Variants in ARHGAP40 observed in about 807,000 individuals in gnomAD.
The protein encoded by ARHGAP40 is rho GTPase-activating protein 40.
ARHGAP40 carries 43 observed loss-of-function variants against 73.5 expected under a neutral mutation model. That is an observed-to-expected ratio of 0.58 (90% CI 0.46 to 0.75). The LOEUF is 0.75. Among genes scored for constraint, ARHGAP40 ranks in the 30% least tolerant of loss-of-function variants. ARHGAP40 has a pLI of 0.00. For synonymous variants in ARHGAP40, 300 were observed against 352.8 expected (o/e 0.85, Z 1.68); for missense variants, 734 against 861.8 (o/e 0.85, Z 1.86).
chr20:38,631,606 C>A (rs1030514178), intron 5 of ARHGAP40, among the ~76,000 whole-genome samples: 1 of 152,186 alleles, frequency 6.6e-6, no homozygotes, highest in African/African-American at 2.4e-5. Context: ...TCCCACAACA[C>A]ATGGAAATTC....
intron 7 of ARHGAP40, among the ~76,000 whole-genome samples, chr20:38,638,407 A>C (rs2088991691): frequency 6.6e-6 from 1 of 152,086 alleles, no homozygotes; most frequent in Non-Finnish European, 1.5e-5. Flanking sequence ...GCTGGTCTCG[A>C]ACTCCTGGCC....
chr20:38,629,633 G>A, exon 5 of ARHGAP40: 3 of 1,305,424 alleles, frequency 2.3e-6, no homozygotes, highest in Non-Finnish European at 3.0e-6. Flanking sequence ...CTCTGCCTGG[G>A]GCAAGTGTTC....
At chr20:38,613,743 AG>A (rs906038174) in intron 1 of ARHGAP40, among the ~76,000 whole-genome samples, 2 of 152,248 alleles carry the variant, frequency 1.3e-5, no homozygotes, top group Non-Finnish European at 2.9e-5. Flanking sequence ...TGTGTGATTC[AG>A]GAAGCTAAAT....
At chr20:38,648,425 C>CA (rs1393491339) in intron 13 of ARHGAP40, among the ~76,000 whole-genome samples, 1 of 152,206 alleles carries the variant, frequency 6.6e-6, no homozygotes, top group Non-Finnish European at 1.5e-5. Flanking sequence ...TGAGCCTCAC[C>CA]ACGTGCCCTC....
chr20:38,641,999 T>G (rs761648293), intron 10 of ARHGAP40, among the ~76,000 whole-genome samples, 191 bp downstream of exon 10: 18 of 152,196 alleles, frequency 1.2e-4, no homozygotes, highest in Non-Finnish European at 1.9e-4. Flanking sequence ...AAGGGGATAG[T>G]CCCGGAGTGG....
intron 1 of ARHGAP40, among the ~76,000 whole-genome samples, chr20:38,608,936 G>A (rs887395015): frequency 2.0e-5 from 3 of 152,136 alleles, no homozygotes; most frequent in African/African-American, 7.2e-5. Flanking sequence ...AAGAGTGGCC[G>A]GCTGAGTCCT....
intron 9 of ARHGAP40, among the ~76,000 whole-genome samples, chr20:38,640,402 G>A (rs747736277): frequency 6.6e-6 from 1 of 151,412 alleles, no homozygotes; most frequent in Admixed American, 6.6e-5. Flanking sequence ...ACATTTTTTT[G>A]TAGTGACGGG....
intron 1 of ARHGAP40, among the ~76,000 whole-genome samples, chr20:38,621,673 T>C (rs2088874444): frequency 6.6e-6 from 1 of 152,204 alleles, no homozygotes; most frequent in African/African-American, 2.4e-5. Context: ...AGGAGAATGA[T>C]TGATATTCTA....
intron 2 of ARHGAP40, 91 bp from the exon 3 acceptor site, chr20:38,626,904 T>G: frequency 1.0e-6 from 1 of 1,004,820 alleles, no homozygotes; most frequent in Non-Finnish European, 1.4e-6. Flanking sequence ...TGTGTCCAGG[T>G]GAGTGTGTGC....
At chr20:38,617,739 G>A (rs901814992) in intron 1 of ARHGAP40, among the ~76,000 whole-genome samples, 14 of 152,192 alleles carry the variant, frequency 9.2e-5, no homozygotes, top group African/African-American at 3.4e-4. Flanking sequence ...GGAACTAGAG[G>A]CCACTCACTG....
At chr20:38,642,730 TTCCATCCATCCATCC>T (rs2089027080) in intron 10 of ARHGAP40, among the ~76,000 whole-genome samples, 2 of 42,598 alleles carry the variant, frequency 4.7e-5, no homozygotes, top group South Asian at 9.7e-4. Flanking sequence ...CCATCCATCC[TTCCATCCATCCATCC>T]CTCCCTCCCT....
chr20:38,616,113 G>A (rs2088836412), intron 1 of ARHGAP40, among the ~76,000 whole-genome samples: 1 of 152,178 alleles, frequency 6.6e-6, no homozygotes, highest in Non-Finnish European at 1.5e-5. Flanking sequence ...ACCTGGGCTT[G>A]CCCAGAGCCA....
intron 14 of ARHGAP40, among the ~76,000 whole-genome samples, chr20:38,649,244 C>T (rs751823767): frequency 6.6e-6 from 1 of 152,190 alleles, no homozygotes; most frequent in Non-Finnish European, 1.5e-5. Flanking sequence ...CTGATGAGTT[C>T]CCAGGAGTTG....
At chr20:38,606,639 C>T (rs2088771854) in intron 1 of ARHGAP40, among the ~76,000 whole-genome samples, 1 of 152,044 alleles carries the variant, frequency 6.6e-6, no homozygotes, top group Admixed American at 6.6e-5. Context: ...GCAGAAAGAC[C>T]CATTTTGAGT....
At chr20:38,648,427 C>T (rs1024511633) in intron 13 of ARHGAP40, among the ~76,000 whole-genome samples, 4 of 152,334 alleles carry the variant, frequency 2.6e-5, no homozygotes, top group Non-Finnish European at 4.4e-5. Context: ...AGCCTCACCA[C>T]GTGCCCTCCA....
chr20:38,645,023 T>C (rs1313057152), intron 11 of ARHGAP40, among the ~76,000 whole-genome samples: 1 of 152,202 alleles, frequency 6.6e-6, no homozygotes, highest in Non-Finnish European at 1.5e-5. Flanking sequence ...CTTTTCTTCC[T>C]ACCCTGCCTG....
In ARHGAP40 at chr20:38,615,338, G is replaced by T. The variant is rs547522117; in HGVS notation, c.138-8021G>T. 2,080 of 769,936 alleles carry T rather than the reference G, an allele frequency of 2.7e-3. 4 individuals carry two copies. Among genetic ancestry groups the T allele is most frequent in the Non-Finnish European group, 4.3e-3 (1,760 of 412,744 alleles). 47.7% of individuals were successfully genotyped at this position (769,936 alleles called of 1,614,324 possible). ...TTGTTTCAGGTTAATTGCCAGCCAC[G>T]GGGGTACTTCCACTGGTAAACCAGG... On this transcript the variant is annotated intron_variant, in intron 1 of 14. Transcript: ENST00000373345.
intron 2 of ARHGAP40, 130 bp downstream of exon 2, chr20:38,623,688 C>T: frequency 3.0e-6 from 2 of 657,206 alleles, no homozygotes; most frequent in African/African-American, 1.9e-5. Flanking sequence ...GGTGCAGTAT[C>T]CTCTTCACTG....
chr20:38,602,365 G>A (rs1038362088), intron 1 of ARHGAP40, among the ~76,000 whole-genome samples: 1 of 151,098 alleles, frequency 6.6e-6, no homozygotes. Context: ...CTTAGAGACC[G>A]TGAGTGACGC....
Sources: gnomAD v4.1 joint callset for allele counts (sites outside exome capture counted in the v4.1 genomes callset) on GRCh38, gnomAD v4.1.1 for gene constraint, MANE v1.5 for transcripts, NCBI Gene and HGNC (gene_info 2026-07-23, HGNC 2026-07-21) for gene names.